The following LHPP variants were observed in gnomAD, a reference collection of about 807,000 sequenced individuals.
LHPP encodes hLHPP.
A neutral mutation model predicts 30.3 loss-of-function variants in LHPP; 24 were observed. The ratio of observed to expected loss-of-function variants is 0.79; its 90% CI spans 0.57 to 1.11. The LOEUF (loss-of-function observed/expected upper bound fraction) is 1.11, where lower values mean the gene tolerates loss of function less well. Among genes scored for constraint, LHPP ranks in the 50% most tolerant of loss-of-function variants. LHPP has a pLI of 0.00. For missense variants in LHPP, 356 were observed against 367.2 expected, an observed-to-expected ratio of 0.97 and a Z score of 0.25; for synonymous variants, 150 against 157.1, an observed-to-expected ratio of 0.95 and a Z score of 0.34.
rs201137529 is a variant in LHPP, at chr10:124,597,421, G to T, written c.717-15843G>T. Among the ~76,000 whole-genome samples the T allele has an allele frequency of 2.0e-5, 3 of 152,334 alleles. No individual in the cohort carries two copies. In the East Asian group the frequency reaches 5.8e-4, roughly 29 times the overall value. ...GCTGAATATTGGTGTCACCACCCAG[G>T]ATAGCAAGTCCCCATCAGTGTCACT... On this transcript the variant is annotated intron_variant, in intron 6 of 6. Coordinates refer to ENST00000368842, the MANE Select transcript of LHPP (RefSeq NM_022126.4).
intron 6 of LHPP, among the ~76,000 whole-genome samples, chr10:124,526,514 T>C (rs1405022405): frequency 6.6e-6 from 1 of 152,168 alleles, no homozygotes; most frequent in Non-Finnish European, 1.5e-5. Context: ...CACCCCCCAA[T>C]TAGCCAAGTG....
intron 1 of LHPP, among the ~76,000 whole-genome samples, chr10:124,470,292 AGCCCAG>A (rs1952688635): frequency 6.6e-6 from 1 of 152,150 alleles, no homozygotes; most frequent in African/African-American, 2.4e-5. Flanking sequence ...TGCTGGGCCC[AGCCCAG>A]GCCCGGCTCG....
At chr10:124,560,660 G>C (rs1303316465) in intron 6 of LHPP, among the ~76,000 whole-genome samples, 5 of 152,216 alleles carry the variant, frequency 3.3e-5, no homozygotes, top group Non-Finnish European at 5.9e-5. Context: ...GCTCACAGGT[G>C]AGCGGGGGCA....
intron 6 of LHPP, among the ~76,000 whole-genome samples, chr10:124,582,641 C>A (rs1197337219): frequency 6.6e-6 from 1 of 152,094 alleles, no homozygotes; most frequent in Admixed American, 6.5e-5. Flanking sequence ...AATTGGTTAA[C>A]ACATATTTTG....
chr10:124,498,824 C>G (rs964747823), intron 5 of LHPP: 6 of 378,348 alleles, frequency 1.6e-5, no homozygotes, highest in African/African-American at 4.4e-5. Context: ...AGGCCCCCCC[C>G]CCGCCAACCC....
intron 6 of LHPP, among the ~76,000 whole-genome samples, chr10:124,570,785 G>A (rs1482551570): frequency 1.3e-5 from 2 of 152,166 alleles, no homozygotes; most frequent in Non-Finnish European, 2.9e-5. Context: ...TCTGTGTTAC[G>A]GTGTGTATCA....
At chr10:124,502,136 CCAT>C (rs1407138648) in intron 5 of LHPP, among the ~76,000 whole-genome samples, 1 of 151,922 alleles carries the variant, frequency 6.6e-6, no homozygotes, top group Non-Finnish European at 1.5e-5. Context: ...AGCAGCTTCC[CCAT>C]CATCATCGAG....
At position 124,484,128 on chromosome 10, in the gene LHPP, C is replaced by T; in HGVS notation, c.126-11C>T. The T allele has an allele frequency of 6.2e-7, 1 of 1,612,668 alleles. No individual in the cohort carries two copies. Among genetic ancestry groups the T allele is most frequent in the Non-Finnish European group, 8.5e-7 (1 of 1,179,598 alleles). On this transcript the variant is annotated splice_polypyrimidine_tract_variant and intron_variant, in intron 1 of 6. Coordinates refer to ENST00000368842, the MANE Select transcript of LHPP (RefSeq NM_022126.4). ...TGCTGACTTCCCGGGCCTGTGTCTCCCCTGCCGCAGACTGAAGCGTTCCCG... is the reference window on the plus strand; with the variant it reads ...TGCTGACTTCCCGGGCCTGTGTCTCTCCTGCCGCAGACTGAAGCGTTCCCG...
chr10:124,476,092 C>G (rs1055350022), intron 1 of LHPP, among the ~76,000 whole-genome samples: 1 of 152,024 alleles, frequency 6.6e-6, no homozygotes, highest in Non-Finnish European at 1.5e-5. Context: ...GGCGCAGGTA[C>G]GGGAGGGTGT....
intron 5 of LHPP, chr10:124,498,660 C>CTTTTT (rs552228070): frequency 1.6e-3 from 559 of 353,642 alleles, no homozygotes; most frequent in East Asian, 3.8e-3. Context: ...TTTTCTTTTT[C>CTTTTT]TTTTTTTTTT....
Position 124,517,311 on chromosome 10 carries a change from G to A in LHPP, c.716+40G>A. 1 of 1,281,522 alleles carries A rather than the reference G, an allele frequency of 7.8e-7. No individual in the cohort carries two copies. Among genetic ancestry groups the A allele is most frequent in the Non-Finnish European group, 1.1e-6 (1 of 921,026 alleles). The allele number at this position is 1,281,522 out of a possible 1,614,324, so 79.4% of individuals were successfully genotyped here. On this transcript the variant is annotated intron_variant, in intron 6 of 6. Coordinates refer to ENST00000368842, the MANE Select transcript of LHPP (RefSeq NM_022126.4). The surrounding 1 kb of genome is among the most constrained non-coding windows in gnomAD (Gnocchi z 4.1). ...GAGTCATTTATTCACCTTCCTTCCA[G>A]GGGATGACCACATTCTCATTCTGTT... is the stretch of plus-strand genomic sequence containing the variant.
At chr10:124,602,642 CA>C (rs1252327034) in intron 6 of LHPP, among the ~76,000 whole-genome samples, 4 of 152,178 alleles carry the variant, frequency 2.6e-5, no homozygotes, top group African/African-American at 7.2e-5. Context: ...CCTTACTAGC[CA>C]GAGGACAGGT....
intron 6 of LHPP, among the ~76,000 whole-genome samples, chr10:124,537,329 C>T (rs764373308): frequency 2.0e-5 from 3 of 152,186 alleles, no homozygotes; most frequent in East Asian, 1.9e-4. Context: ...GGGTTCTGCC[C>T]GTGAGATCCT....
At chr10:124,511,643 G>A (rs996005386) in intron 5 of LHPP, among the ~76,000 whole-genome samples, 5 of 152,142 alleles carry the variant, frequency 3.3e-5, no homozygotes, top group Non-Finnish European at 5.9e-5. Context: ...GATACATGTC[G>A]AGTCCATGCC....
At chr10:124,546,340 T>C (rs1394121848) in intron 6 of LHPP, among the ~76,000 whole-genome samples, 1 of 152,258 alleles carries the variant, frequency 6.6e-6, no homozygotes, top group Non-Finnish European at 1.5e-5. Flanking sequence ...CCCTTCCTTA[T>C]GAGCTCCCAT....
intron 6 of LHPP, among the ~76,000 whole-genome samples, chr10:124,574,463 C>T (rs11245298): frequency 0.12 from 18,517 of 152,222 alleles, 1,264 homozygotes; most frequent in South Asian, 0.2. Context: ...CTCAGTCTGG[C>T]TTTGATCTGC....
At chr10:124,613,205 GT>G in intron 6 of LHPP, 58 bp from the exon 7 acceptor site, 3 of 1,252,520 alleles carry the variant, frequency 2.4e-6, no homozygotes, top group African/African-American at 1.5e-5. Context: ...GGGAGGGTGG[GT>G]GTGGCTGCAG....
chr10:124,475,876 G>A (rs1182332204), intron 1 of LHPP, among the ~76,000 whole-genome samples: 1 of 152,162 alleles, frequency 6.6e-6, no homozygotes, highest in Non-Finnish European at 1.5e-5. Context: ...CTGGGCCTTA[G>A]TATCCCCCTC....
chr10:124,477,385 C>T (rs1481277879), intron 1 of LHPP, among the ~76,000 whole-genome samples: 7 of 152,118 alleles, frequency 4.6e-5, no homozygotes, highest in African/African-American at 1.7e-4. Flanking sequence ...GTAATAGGGA[C>T]CCTCCAGCAC....
Sources: allele counts gnomAD v4.1 joint callset (sites outside exome capture counted in the v4.1 genomes callset), GRCh38; gene constraint gnomAD v4.1.1; non-coding constraint Gnocchi (gnomAD v3.1); transcripts MANE v1.5; gene names NCBI Gene and HGNC (gene_info 2026-07-23, HGNC 2026-07-21).